CUL5: variants seen among roughly 807,000 people sequenced by gnomAD.
CUL5 encodes the protein cullin-5.
Under a neutral mutation model 108.8 loss-of-function variants are expected in CUL5, and 26 were observed. That is an observed-to-expected ratio of 0.24 (90% CI 0.18 to 0.33). The LOEUF (loss-of-function observed/expected upper bound fraction) is 0.33. Among genes scored for constraint, CUL5 ranks in the 10% least tolerant of loss-of-function variants. CUL5 has a pLI of 1.00. For missense variants in CUL5, 524 were observed against 909.2 expected (o/e 0.58, Z 5.45); for synonymous variants, 334 against 298.0 (o/e 1.12, Z -1.25).
intron 1 of CUL5, among the ~76,000 whole-genome samples, chr11:108,014,896 ATTATTTTTATTT>A (rs943344105): frequency 6.6e-6 from 1 of 152,052 alleles, no homozygotes; most frequent in East Asian, 1.9e-4. Context: ...TATTATTATT[ATTATTTTTATTT>A]TTATTTTTGA....
intron 16 of CUL5, among the ~76,000 whole-genome samples, chr11:108,096,422 G>A (rs1368976979): frequency 3.3e-5 from 5 of 151,520 alleles, no homozygotes; most frequent in Non-Finnish European, 7.4e-5. Flanking sequence ...AGCCCAGGAG[G>A]ATGCAGTGAG....
intron 1 of CUL5, among the ~76,000 whole-genome samples, chr11:108,012,565 C>T (rs533929502): frequency 1.3e-5 from 2 of 148,476 alleles, no homozygotes; most frequent in South Asian, 4.3e-4. Flanking sequence ...TCTCCTATGC[C>T]TATAAGAAAG....
chr11:108,065,449 G>A (rs1282814701), intron 7 of CUL5, among the ~76,000 whole-genome samples: 1 of 152,144 alleles, frequency 6.6e-6, no homozygotes. Context: ...TATAGTGCGA[G>A]GCTTGCTAGA....
intron 7 of CUL5, among the ~76,000 whole-genome samples, chr11:108,055,612 TAA>T (rs1863354818): frequency 1.4e-5 from 2 of 145,918 alleles, no homozygotes; most frequent in African/African-American, 5.5e-5. Flanking sequence ...GCCTGACTAA[TAA>T]ATATATATAT....
chr11:108,083,007 T>G (rs1386462283), intron 11 of CUL5, among the ~76,000 whole-genome samples: 8 of 152,234 alleles, frequency 5.3e-5, no homozygotes, highest in Admixed American at 3.3e-4. Context: ...TTTTTGTAGA[T>G]TCTTTCAGCT....
chr11:108,094,537 A>G (rs1362649352), intron 14 of CUL5, 23 bp downstream of exon 14: 3 of 1,182,492 alleles, frequency 2.5e-6, no homozygotes, highest in Admixed American at 2.6e-5. Flanking sequence ...AATTACATGT[A>G]TATATTTTTT....
At chr11:108,103,316 T>G (rs1864716013) in intron 18 of CUL5, among the ~76,000 whole-genome samples, 1 of 152,052 alleles carries the variant, frequency 6.6e-6, no homozygotes, top group African/African-American at 2.4e-5. Flanking sequence ...ATCCTAGCAC[T>G]TTGGGAGACC....
intron 2 of CUL5, among the ~76,000 whole-genome samples, chr11:108,035,025 A>G (rs940937107): frequency 5.3e-5 from 8 of 152,238 alleles, no homozygotes; most frequent in African/African-American, 1.9e-4. Flanking sequence ...TAATAACCAG[A>G]CTGACTTACT....
At chr11:108,010,700 C>T (rs753516104) in intron 1 of CUL5, among the ~76,000 whole-genome samples, 1 of 152,134 alleles carries the variant, frequency 6.6e-6, no homozygotes, top group Non-Finnish European at 1.5e-5. Flanking sequence ...ATAACTACTC[C>T]CCCTCTTTCT....
chr11:108,091,695 TCA>T lies in CUL5; in HGVS notation c.1443+2108_1443+2109del, dbSNP rs71303233. ...CAGAGTCAGATCCTGTCTCTCTCACTCACACACACACACACACACACACACAC... is the reference window on the plus strand; with the variant it reads ...CAGAGTCAGATCCTGTCTCTCTCACTCACACACACACACACACACACACAC... On this transcript the variant is annotated intron_variant, in intron 13 of 18. Transcript: ENST00000393094. 7.2e-3 allele frequency among the ~76,000 whole-genome samples: 990 copies of T among 138,128 alleles called. 10 individuals are homozygous for T. Among genetic ancestry groups the T allele is most frequent in the South Asian group, 0.028 (118 of 4,184 alleles). 90.6% of individuals were successfully genotyped at this position (138,128 alleles called of 152,430 possible).
chr11:108,046,725 TTTC>T (rs778093092), intron 3 of CUL5, among the ~76,000 whole-genome samples: 19 of 152,206 alleles, frequency 1.2e-4, no homozygotes, highest in Non-Finnish European at 2.4e-4. Flanking sequence ...TTGACAGTAA[TTTC>T]TTCAATTCCA....
intron 7 of CUL5, among the ~76,000 whole-genome samples, chr11:108,068,297 G>C (rs572306932): frequency 1.3e-5 from 2 of 152,010 alleles, no homozygotes; most frequent in African/African-American, 4.8e-5. Context: ...TTGTAGAGGA[G>C]CCTGAAAAAA....
intron 1 of CUL5, 132 bp downstream of exon 1, chr11:108,009,504 T>G (rs1591265414): frequency 2.1e-6 from 2 of 951,306 alleles, no homozygotes; most frequent in Non-Finnish European, 3.2e-6. Flanking sequence ...GAAGCCGCGG[T>G]GGCAGCCGGC....
chr11:108,019,193 TGGGTGG>T (rs531734915), intron 1 of CUL5, among the ~76,000 whole-genome samples: 15 of 15,998 alleles, frequency 9.4e-4, no homozygotes, highest in Admixed American at 3.9e-3. Flanking sequence ...GGTATCCCGA[TGGGTGG>T]GGGTGGGGGT....
At position 108,033,935 on chromosome 11, in the gene CUL5, T is replaced by G. The variant is rs746541449; in HGVS notation, c.134+24T>G. ...TCGTAAGTACCCCACTAATTCTGTT[T>G]GCTAGCATAAAGGAAATTTTAGTGA... On this transcript the variant is annotated intron_variant, in intron 2 of 18. Coordinates refer to ENST00000393094, the MANE Select transcript of CUL5 (RefSeq NM_003478.6). The G allele has an allele frequency of 2.1e-6, 3 of 1,446,626 alleles. No individual in the cohort carries two copies. In the African/African-American group the frequency reaches 4.2e-5, roughly 20 times the overall value. 89.6% of individuals were successfully genotyped at this position (1,446,626 alleles called of 1,614,324 possible).
chr11:108,094,252 A>G, intron 13 of CUL5, 139 bp from the exon 14 acceptor site: 1 of 617,992 alleles, frequency 1.6e-6, no homozygotes, highest in Non-Finnish European at 2.7e-6. Context: ...TTTCATAGGT[A>G]TTAGACAATA....
intron 2 of CUL5, among the ~76,000 whole-genome samples, chr11:108,039,496 A>C (rs1862836979): frequency 6.6e-6 from 1 of 152,196 alleles, no homozygotes; most frequent in South Asian, 2.1e-4. Context: ...ATCCATTTAC[A>C]ATTTTACCCA....
intron 1 of CUL5, among the ~76,000 whole-genome samples, chr11:108,021,999 CCTAT>C (rs1174946704): frequency 6.6e-6 from 1 of 151,560 alleles, no homozygotes; most frequent in African/African-American, 2.4e-5. Context: ...TATCTATCTA[CCTAT>C]CTATCCATCG....
At chr11:108,068,109 G>T (rs1863733938) in intron 7 of CUL5, among the ~76,000 whole-genome samples, 1 of 151,832 alleles carries the variant, frequency 6.6e-6, no homozygotes, top group Non-Finnish European at 1.5e-5. Flanking sequence ...GTAGAGATGG[G>T]GTTTCTCTGT....
Sources: gnomAD v4.1 joint callset for allele counts (sites outside exome capture counted in the v4.1 genomes callset) on GRCh38, gnomAD v4.1.1 for gene constraint, MANE v1.5 for transcripts, NCBI Gene and HGNC (gene_info 2026-07-23, HGNC 2026-07-21) for gene names.